Variants in SLC4A4 observed in about 807,000 individuals in gnomAD.
SLC4A4 encodes electrogenic sodium bicarbonate cotransporter 1.
Under a neutral mutation model 111.5 loss-of-function variants are expected in SLC4A4, and 27 were observed. That is an observed-to-expected ratio of 0.24 (90% CI 0.18 to 0.33). The LOEUF (loss-of-function observed/expected upper bound fraction) is 0.33. SLC4A4 is among the 10% of genes least tolerant of loss of function. The pLI, the probability that SLC4A4 is intolerant of heterozygous loss-of-function variation, is 1.00. For synonymous variants in SLC4A4, 443 were observed against 463.4 expected, an observed-to-expected ratio of 0.96 and a Z score of 0.57; for missense variants, 909 against 1,315.5, an observed-to-expected ratio of 0.69 and a Z score of 4.78.
chr4:71,174,652 AT>A (rs1163981444), intron 2 of SLC4A4, among the ~76,000 whole-genome samples: 1 of 152,166 alleles, frequency 6.6e-6, no homozygotes, highest in Non-Finnish European at 1.5e-5. Flanking sequence ...AGAAAGAGAT[AT>A]TTTTTACTGC....
chr4:71,286,503 G>A (rs1723932130), intron 3 of SLC4A4, among the ~76,000 whole-genome samples: 1 of 152,210 alleles, frequency 6.6e-6, no homozygotes, highest in South Asian at 2.1e-4. Flanking sequence ...TTCTTGGGCT[G>A]TGTTGAAATA....
intron 1 of SLC4A4, among the ~76,000 whole-genome samples, chr4:71,223,183 T>A (rs1023180063): frequency 2.0e-5 from 3 of 151,994 alleles, no homozygotes; most frequent in African/African-American, 7.2e-5. Flanking sequence ...ATACTCTTTT[T>A]TTTTTTTTCT....
chr4:71,560,822 G>T (rs968867190), intron 23 of SLC4A4, among the ~76,000 whole-genome samples: 1 of 151,690 alleles, frequency 6.6e-6, no homozygotes, highest in Non-Finnish European at 1.5e-5. Context: ...GGAGTTTGGG[G>T]TCTTTTTACA....
intron 2 of SLC4A4, among the ~76,000 whole-genome samples, chr4:71,098,814 A>C (rs10805080): frequency 0.96 from 146,422 of 152,250 alleles, 70,474 homozygotes; most frequent in East Asian, 1. Context: ...GGGTTGCAGT[A>C]CTAATTTCAG....
intron 7 of SLC4A4, among the ~76,000 whole-genome samples, chr4:71,435,016 A>G (rs929892264): frequency 2.0e-5 from 3 of 152,236 alleles, no homozygotes; most frequent in Non-Finnish European, 4.4e-5. Flanking sequence ...TATAGATTCA[A>G]TGCTATTCCC....
At chr4:71,260,394 T>C (rs1721769100) in intron 3 of SLC4A4, among the ~76,000 whole-genome samples, 1 of 152,214 alleles carries the variant, frequency 6.6e-6, no homozygotes, top group Admixed American at 6.5e-5. Context: ...AAGGTTTCTT[T>C]AATTTTCTAC....
intron 15 of SLC4A4, among the ~76,000 whole-genome samples, chr4:71,487,516 G>A (rs993377844): frequency 2.6e-5 from 4 of 151,628 alleles, no homozygotes; most frequent in Middle Eastern, 3.4e-3. Context: ...TGGTAACCAA[G>A]GATCTTTAGG....
intron 3 of SLC4A4, among the ~76,000 whole-genome samples, chr4:71,325,080 T>C (rs1462750659): frequency 1.3e-5 from 2 of 152,000 alleles, no homozygotes; most frequent in Admixed American, 1.3e-4. Flanking sequence ...TTCAGTTTCT[T>C]AGCTAATTTG....
At chr4:71,364,212 G>A (rs1018940606) in intron 6 of SLC4A4, among the ~76,000 whole-genome samples, 1 of 152,092 alleles carries the variant, frequency 6.6e-6, no homozygotes, top group African/African-American at 2.4e-5. Flanking sequence ...CATTTCCAGA[G>A]GTTTCATTCA....
chr4:71,511,088 G>A (rs28626424), intron 16 of SLC4A4, among the ~76,000 whole-genome samples: 1 of 151,886 alleles, frequency 6.6e-6, no homozygotes, highest in South Asian at 2.1e-4. Flanking sequence ...AATTATTATA[G>A]CAATTATCAT....
At chr4:71,464,116 A>C (rs1727097001) in intron 12 of SLC4A4, among the ~76,000 whole-genome samples, 1 of 152,164 alleles carries the variant, frequency 6.6e-6, no homozygotes, top group African/African-American at 2.4e-5. Flanking sequence ...TGTAAGTTGT[A>C]AAAAAGAAAG....
chr4:71,299,184 A>G (rs1467401308), intron 3 of SLC4A4, among the ~76,000 whole-genome samples: 1 of 152,234 alleles, frequency 6.6e-6, no homozygotes, highest in Non-Finnish European at 1.5e-5. Context: ...ATATGACTTC[A>G]GCCAATTGAC....
intron 1 of SLC4A4, among the ~76,000 whole-genome samples, chr4:71,188,806 C>A (rs551343741): frequency 6.6e-6 from 1 of 152,250 alleles, no homozygotes; most frequent in East Asian, 1.9e-4. Flanking sequence ...TTTACATGGT[C>A]ATTTTAGTAC....
chr4:71,357,682 A>AT (rs886285756), intron 6 of SLC4A4, among the ~76,000 whole-genome samples: 3 of 152,144 alleles, frequency 2.0e-5, no homozygotes, highest in African/African-American at 7.2e-5. Flanking sequence ...CCTCCATATT[A>AT]TTTTTTACCT....
At chr4:71,519,111 T>C (rs1732688983) in intron 16 of SLC4A4, among the ~76,000 whole-genome samples, 1 of 152,196 alleles carries the variant, frequency 6.6e-6, no homozygotes, top group African/African-American at 2.4e-5. Context: ...TTCCCTTAGC[T>C]CTTGTGAAAG....
chr4:71,311,654 A>G (rs367654750), intron 3 of SLC4A4, among the ~76,000 whole-genome samples: 1 of 152,164 alleles, frequency 6.6e-6, no homozygotes, highest in East Asian at 1.9e-4. Context: ...AAGACAAAAC[A>G]TACTGGAATC....
At chr4:71,308,087 A>G (rs1725834496) in intron 3 of SLC4A4, among the ~76,000 whole-genome samples, 1 of 152,160 alleles carries the variant, frequency 6.6e-6, no homozygotes, top group East Asian at 1.9e-4. Context: ...GGATTTATCT[A>G]CTATATACTC....
chr4:71,233,387 C>A, intron 1 of SLC4A4: 2 of 767,080 alleles, frequency 2.6e-6, no homozygotes, highest in Non-Finnish European at 3.2e-6. Context: ...CTCTTTCCAT[C>A]TTTCTCAGCC....
intron 5 of SLC4A4, among the ~76,000 whole-genome samples, chr4:71,353,956 A>G (rs1730069364): frequency 6.6e-6 from 1 of 152,230 alleles, no homozygotes; most frequent in African/African-American, 2.4e-5. Flanking sequence ...TACATAAAAA[A>G]TTCAGCCTAT....
Sources: gnomAD v4.1 joint callset for allele counts (sites outside exome capture counted in the v4.1 genomes callset) on GRCh38, gnomAD v4.1.1 for gene constraint, MANE v1.5 for transcripts, NCBI Gene and HGNC (gene_info 2026-07-23, HGNC 2026-07-21) for gene names.